The following ARHGAP28 variants were observed in gnomAD, a reference collection of about 807,000 sequenced individuals.
The protein encoded by ARHGAP28 is rho GTPase-activating protein 28.
ARHGAP28 carries 56 observed loss-of-function variants against 90.7 expected under a neutral mutation model. The ratio of observed to expected loss-of-function variants is 0.62; its 90% CI spans 0.50 to 0.77. ARHGAP28 has a LOEUF of 0.77. Among genes scored for constraint, ARHGAP28 ranks in the 30% least tolerant of loss-of-function variants. The pLI is 0.00. For missense variants in ARHGAP28, 869 were observed against 900.9 expected, an observed-to-expected ratio of 0.96 and a Z score of 0.45; for synonymous variants, 308 against 323.3, an observed-to-expected ratio of 0.95 and a Z score of 0.51.
rs187020652 is a variant in ARHGAP28, at chr18:6,829,026, G to A, written c.325+4062G>A. Among the ~76,000 whole-genome samples the A allele has an allele frequency of 6.6e-5, 10 of 152,296 alleles. No homozygotes were observed. In the East Asian group the frequency reaches 1.9e-3, roughly 29 times the overall value. On this transcript the variant is annotated intron_variant, in intron 2 of 17. Transcript: ENST00000383472. ...CTCAGGACTAAGAAATCATTAAGAT[G>A]TACCACAATTAACATACATCTGATA...
At chr18:6,771,493 G>A (rs562307651) in intron 1 of ARHGAP28, among the ~76,000 whole-genome samples, 30 of 152,282 alleles carry the variant, frequency 2.0e-4, no homozygotes, top group African/African-American at 6.7e-4. Flanking sequence ...AAGCAAGAGC[G>A]TTCCTTAGAA....
chr18:6,856,785 C>G lies in ARHGAP28; in HGVS notation c.637-3023C>G, dbSNP rs938846935. Among the ~76,000 whole-genome samples the G allele has an allele frequency of 3.3e-5, 5 of 152,298 alleles. No individual in the cohort carries two copies. In the East Asian group the frequency reaches 7.7e-4, roughly 23 times the overall value. On this transcript the variant is annotated intron_variant, in intron 4 of 17. Coordinates refer to ENST00000383472, the MANE Select transcript of ARHGAP28 (RefSeq NM_001366230.1). ...GGGCCCTGTCAGTCAGCAGGCCCCC[C>G]ATCCTGGAGAAGCAAGCCCAGCCGT... is the stretch of plus-strand genomic sequence containing the variant.
chr18:6,901,934 G>A (rs2057340645), intron 16 of ARHGAP28, among the ~76,000 whole-genome samples: 1 of 152,154 alleles, frequency 6.6e-6, no homozygotes, highest in African/African-American at 2.4e-5. Context: ...TTTGGTGGTT[G>A]CCAGCAATCT....
At position 6,852,398 on chromosome 18, in the gene ARHGAP28, A is replaced by G. The variant is rs532242539; in HGVS notation, c.636+1272A>G. ...AAAATAATCCTTCTAGTTTATTTTC[A>G]GTGTCTTAAATGATAACCAAATAGC... On this transcript the variant is annotated intron_variant, in intron 4 of 17. Coordinates refer to ENST00000383472, the MANE Select transcript of ARHGAP28 (RefSeq NM_001366230.1). 1.1e-4 allele frequency among the ~76,000 whole-genome samples: 16 copies of G among 152,334 alleles called. No individual in the cohort carries two copies. The South Asian group carries it at 3.3e-3, about 32-fold the overall frequency.
At chr18:6,748,871 T>C (rs2143240338) in intron 1 of ARHGAP28, among the ~76,000 whole-genome samples, 1 of 152,316 alleles carries the variant, frequency 6.6e-6, no homozygotes, top group South Asian at 2.1e-4. Flanking sequence ...TGGTCTGTGT[T>C]TCTAGTGCCT....
At chr18:6,897,344 G>A (rs749822873) in intron 16 of ARHGAP28, 1 of 152,180 alleles carries the variant, frequency 6.6e-6, no homozygotes, top group Non-Finnish European at 1.5e-5. Flanking sequence ...ACATTATGTA[G>A]TTAAGTGGAT....
chr18:6,739,855 CTTT>C (rs145660239), intron 1 of ARHGAP28, among the ~76,000 whole-genome samples: 12 of 134,810 alleles, frequency 8.9e-5, no homozygotes, highest in Admixed American at 1.5e-4. Context: ...CATAAGAATT[CTTT>C]TTTTTTTTTT....
At chr18:6,906,975 A>AT (rs1347832082) in intron 16 of ARHGAP28, among the ~76,000 whole-genome samples, 4 of 152,232 alleles carry the variant, frequency 2.6e-5, no homozygotes, top group African/African-American at 9.6e-5. Context: ...GGCAAAAGAC[A>AT]TGAACAGACA....
chr18:6,877,140 G>A (rs145998213), intron 10 of ARHGAP28, among the ~76,000 whole-genome samples: 2 of 152,294 alleles, frequency 1.3e-5, no homozygotes, highest in East Asian at 3.9e-4. Flanking sequence ...TTTGGTACAT[G>A]CTTTGGGAAA....
intron 1 of ARHGAP28, among the ~76,000 whole-genome samples, chr18:6,755,205 A>G (rs771762186): frequency 6.6e-5 from 10 of 152,136 alleles, no homozygotes; most frequent in Non-Finnish European, 1.2e-4. Context: ...TTTTGGAAGA[A>G]TTTTAATGTG....
chr18:6,874,336 A>G (rs755723346), intron 9 of ARHGAP28, among the ~76,000 whole-genome samples: 2 of 152,240 alleles, frequency 1.3e-5, no homozygotes, highest in Non-Finnish European at 2.9e-5. Context: ...ACATTTAGAC[A>G]AAAAGAATAA....
intron 1 of ARHGAP28, among the ~76,000 whole-genome samples, chr18:6,784,412 A>G (rs1165689628): frequency 4.6e-5 from 7 of 152,082 alleles, no homozygotes. Context: ...TCTGAATGTA[A>G]TCGCTTTCAT....
At chr18:6,841,991 T>G in intron 3 of ARHGAP28, among the ~76,000 whole-genome samples, 1 of 152,210 alleles carries the variant, frequency 6.6e-6, no homozygotes. Context: ...CTGTGTCTCT[T>G]AAATGTTCTT....
intron 1 of ARHGAP28, among the ~76,000 whole-genome samples, chr18:6,732,297 A>G (rs758842667): frequency 2.0e-5 from 3 of 152,174 alleles, no homozygotes; most frequent in Admixed American, 6.5e-5. Context: ...TTTAACTGCC[A>G]ACCTCAACCT....
At chr18:6,803,513 T>TA (rs1567952873) in intron 1 of ARHGAP28, among the ~76,000 whole-genome samples, 3 of 152,106 alleles carry the variant, frequency 2.0e-5, no homozygotes, top group Admixed American at 2.0e-4. Flanking sequence ...TGTGTCTGTG[T>TA]ATATAGGGGA....
intron 3 of ARHGAP28, among the ~76,000 whole-genome samples, chr18:6,837,800 G>A (rs951229537): frequency 6.6e-6 from 1 of 152,066 alleles, no homozygotes; most frequent in Non-Finnish European, 1.5e-5. Context: ...TTGGTTGAAT[G>A]GGGGGTGGGG....
chr18:6,773,419 A>T (rs1396633689), intron 1 of ARHGAP28, among the ~76,000 whole-genome samples: 2 of 152,212 alleles, frequency 1.3e-5, no homozygotes, highest in Non-Finnish European at 2.9e-5. Flanking sequence ...TGATAGCATG[A>T]TCTTTTATAG....
At chr18:6,831,905 G>T (rs1368353713) in intron 2 of ARHGAP28, among the ~76,000 whole-genome samples, 1 of 152,014 alleles carries the variant, frequency 6.6e-6, no homozygotes, top group Non-Finnish European at 1.5e-5. Context: ...TCTATTACTA[G>T]TTTTTCTGGC....
chr18:6,856,612 T>G (rs1303954875), intron 4 of ARHGAP28, among the ~76,000 whole-genome samples: 1 of 151,198 alleles, frequency 6.6e-6, no homozygotes, highest in Non-Finnish European at 1.5e-5. Context: ...TGGGCTCCAA[T>G]GATCCTCCCT....
Sources: gnomAD v4.1 joint callset for allele counts (sites outside exome capture counted in the v4.1 genomes callset) on GRCh38, gnomAD v4.1.1 for gene constraint, MANE v1.5 for transcripts, NCBI Gene and HGNC (gene_info 2026-07-23, HGNC 2026-07-21) for gene names.